KDM4C: variants seen among roughly 807,000 people sequenced by gnomAD.
KDM4C encodes lysine demethylase 4C, also known as lysine-specific demethylase 4C.
KDM4C carries 81 observed loss-of-function variants against 129.3 expected under a neutral mutation model. The ratio of observed to expected loss-of-function variants is 0.63; its 90% CI spans 0.52 to 0.75. The LOEUF (loss-of-function observed/expected upper bound fraction) is 0.75. KDM4C is among the 30% of genes least tolerant of loss of function. The pLI, the probability that KDM4C is intolerant of heterozygous loss-of-function variation, is 0.00. For synonymous variants in KDM4C, 573 were observed against 456.1 expected, an observed-to-expected ratio of 1.26 and a Z score of -3.26; for missense variants, 1,457 against 1,304.0, an observed-to-expected ratio of 1.12 and a Z score of -1.81.
intron 8 of KDM4C, among the ~76,000 whole-genome samples, chr9:6,926,122 T>TCGTGGAC (rs1822465470): frequency 6.6e-6 from 1 of 152,052 alleles, no homozygotes; most frequent in South Asian, 2.1e-4. Flanking sequence ...GGTGGTTCTT[T>TCGTGGAC]CGTGGACCGG....
In KDM4C at chr9:7,169,867, C is replaced by T. The variant is rs1304288413; in HGVS notation, c.2971C>T (p.Pro991Ser). Residue 991 changes from proline (P) to serine (S), a missense_variant, in exon 21 of 22, where the codon CCC becomes TCC. Pro to Ser is a moderately conservative substitution (Grantham distance 74). Transcript: ENST00000381309. ...EDIYTLDEEL[P>S]KRVKARFSTA... ...CATCTACACTTTAGATGAAGAGTTA[C>T]CCAAGAGAGTGAAAGCTCGATTTGT... The T allele has an allele frequency of 6.2e-7, 1 of 1,613,846 alleles. No homozygotes were observed. Among genetic ancestry groups the T allele is most frequent in the East Asian group, 2.2e-5 (1 of 44,874 alleles).
chr9:6,903,555 G>A (rs528816745), intron 8 of KDM4C, among the ~76,000 whole-genome samples: 1 of 152,258 alleles, frequency 6.6e-6, no homozygotes, highest in South Asian at 2.1e-4. Flanking sequence ...CTTAGGAAAT[G>A]AGCAGAAATG....
intron 17 of KDM4C, among the ~76,000 whole-genome samples, chr9:7,094,941 C>G (rs1587606812): frequency 1.3e-5 from 2 of 152,154 alleles, no homozygotes; most frequent in Admixed American, 1.3e-4. Context: ...GGGATAGCTT[C>G]TGGTGTTCAG....
intron 19 of KDM4C, among the ~76,000 whole-genome samples, chr9:7,157,427 G>C (rs990668500): frequency 7.9e-5 from 12 of 152,250 alleles, no homozygotes; most frequent in African/African-American, 2.9e-4. Context: ...TCCTTGTCTT[G>C]TGCCGCTTTT....
chr9:6,745,917 C>T (rs1003857598), intron 1 of KDM4C, among the ~76,000 whole-genome samples: 4 of 152,090 alleles, frequency 2.6e-5, no homozygotes, highest in African/African-American at 9.7e-5. Flanking sequence ...TCAAGTGATT[C>T]TCCCGCCTCA....
At chr9:6,910,430 T>C (rs1381363552) in intron 8 of KDM4C, among the ~76,000 whole-genome samples, 1 of 152,122 alleles carries the variant, frequency 6.6e-6, no homozygotes, top group Non-Finnish European at 1.5e-5. Flanking sequence ...AGAGGCACAA[T>C]TGTGGGTCCC....
intron 14 of KDM4C, 77 bp downstream of exon 14, chr9:7,014,078 C>G (rs566944112): frequency 2.6e-5 from 29 of 1,135,418 alleles, no homozygotes; most frequent in South Asian, 9.8e-5. Context: ...TTTTTGGAAC[C>G]TGTCAGATCT....
chr9:7,175,113 A>T lies in KDM4C; in HGVS notation c.*384A>T. The T allele has an allele frequency of 6.0e-6, 1 of 166,894 alleles. No homozygotes were observed. The highest frequency in any genetic ancestry group is 1.3e-5 in the Non-Finnish European group (1 of 76,884). 10.3% of individuals were successfully genotyped at this position (166,894 alleles called of 1,614,324 possible). A position where few individuals can be genotyped will look rare whatever the true frequency, so the allele number is the denominator to read the frequency against. ...GGGGACCTCTCTCTCTAGCTCCAGCAGGTGGCACCTCGGTACCCAGCGGGT... is the reference window on the plus strand; with the variant it reads ...GGGGACCTCTCTCTCTAGCTCCAGCTGGTGGCACCTCGGTACCCAGCGGGT... On this transcript the variant is annotated 3_prime_UTR_variant, in exon 22 of 22. Transcript: ENST00000381309.
intron 17 of KDM4C, among the ~76,000 whole-genome samples, chr9:7,071,920 A>G (rs1040398029): frequency 6.6e-6 from 1 of 152,172 alleles, no homozygotes; most frequent in African/African-American, 2.4e-5. Context: ...CACACACTTG[A>G]TAAGGAACTT....
chr9:7,151,216 T>C (rs1048267796), intron 19 of KDM4C, among the ~76,000 whole-genome samples: 2 of 152,198 alleles, frequency 1.3e-5, no homozygotes, highest in Non-Finnish European at 2.9e-5. Flanking sequence ...GTGCTTTTAT[T>C]TTTGTGAAAA....
chr9:6,786,862 C>T (rs1825605341), intron 1 of KDM4C, among the ~76,000 whole-genome samples: 1 of 152,062 alleles, frequency 6.6e-6, no homozygotes, highest in South Asian at 2.1e-4. Context: ...TGATCACTGT[C>T]ACTAAGAATC....
chr9:6,897,758 A>G (rs1019573866), intron 8 of KDM4C, among the ~76,000 whole-genome samples: 4 of 152,234 alleles, frequency 2.6e-5, no homozygotes, highest in African/African-American at 9.6e-5. Flanking sequence ...AAGTTGTAGT[A>G]TTAATGGAAC....
At chr9:7,127,405 G>C (rs972511053) in intron 18 of KDM4C, among the ~76,000 whole-genome samples, 21 of 152,274 alleles carry the variant, frequency 1.4e-4, no homozygotes, top group Admixed American at 1.2e-3. Flanking sequence ...GAGAACAAGA[G>C]AACATCACCT....
chr9:6,848,131 T>C (rs974287192), intron 4 of KDM4C, among the ~76,000 whole-genome samples: 3 of 151,940 alleles, frequency 2.0e-5, no homozygotes, highest in African/African-American at 7.2e-5. Context: ...TGGGCTCAAG[T>C]GATCTGCTTT....
At chr9:6,791,860 TA>T (rs956841335) in intron 1 of KDM4C, among the ~76,000 whole-genome samples, 10 of 151,998 alleles carry the variant, frequency 6.6e-5, no homozygotes, top group Admixed American at 3.9e-4. Flanking sequence ...CCATTTTTAC[TA>T]AAAATACAAA....
chr9:7,174,781 A>T lies in KDM4C; in HGVS notation c.*52A>T, dbSNP rs1479926450. The T allele has an allele frequency of 6.7e-7, 1 of 1,483,910 alleles. No individual in the cohort carries two copies. Among genetic ancestry groups the T allele is most frequent in the Admixed American group, 1.7e-5 (1 of 58,394 alleles). The allele number at this position is 1,483,910 out of a possible 1,614,324, so 91.9% of individuals were successfully genotyped here. A position where few individuals can be genotyped will look rare whatever the true frequency, so the allele number is the denominator to read the frequency against. On this transcript the variant is annotated 3_prime_UTR_variant, in exon 22 of 22. Coordinates refer to ENST00000381309, the MANE Select transcript of KDM4C (RefSeq NM_015061.6). ...AGCAGCTTGGGTTGGAAGAGAGAAGATGAAGGGACATCCTTGGGGCTGTGC... is the reference window on the plus strand; with the variant it reads ...AGCAGCTTGGGTTGGAAGAGAGAAGTTGAAGGGACATCCTTGGGGCTGTGC...
chr9:6,834,518 C>G, intron 4 of KDM4C: 1 of 655,410 alleles, frequency 1.5e-6, no homozygotes, highest in Non-Finnish European at 2.9e-6. Context: ...AGGCTGGCTT[C>G]GCAGGTGACG....
At chr9:6,822,249 A>T (rs997355882) in intron 4 of KDM4C, among the ~76,000 whole-genome samples, 3 of 152,192 alleles carry the variant, frequency 2.0e-5, no homozygotes, top group African/African-American at 7.2e-5. Flanking sequence ...TTTAGTTGTG[A>T]CAGATTATAT....
At chr9:6,753,389 G>T (rs1263503240), upstream of KDM4C, among the ~76,000 whole-genome samples, 1 of 152,020 alleles carries the variant, frequency 6.6e-6, no homozygotes, top group East Asian at 1.9e-4. Flanking sequence ...ATCATGTCTT[G>T]GTCTATTTTG....
Sources: allele counts gnomAD v4.1 joint callset (sites outside exome capture counted in the v4.1 genomes callset), GRCh38; gene constraint gnomAD v4.1.1; transcripts MANE v1.5; gene names NCBI Gene and HGNC (gene_info 2026-07-23, HGNC 2026-07-21).